RHOBTB1: variants seen among roughly 807,000 people sequenced by gnomAD.
RHOBTB1 encodes rho-related BTB domain-containing protein 1.
Under a neutral mutation model 71.6 loss-of-function variants are expected in RHOBTB1, and 40 were observed. The observed-to-expected ratio is 0.56, with a 90% CI of 0.43 to 0.73. The LOEUF (loss-of-function observed/expected upper bound fraction) is 0.73, where lower values mean the gene tolerates loss of function less well. Among genes scored for constraint, RHOBTB1 ranks in the 30% least tolerant of loss-of-function variants. The pLI, the probability that RHOBTB1 is intolerant of heterozygous loss-of-function variation, is 0.00. For missense variants in RHOBTB1, 797 were observed against 894.0 expected, an observed-to-expected ratio of 0.89 and a Z score of 1.38; for synonymous variants, 319 against 334.9, an observed-to-expected ratio of 0.95 and a Z score of 0.52.
At position 60,880,202 on chromosome 10, in the gene RHOBTB1, T is replaced by TGAGA. The variant is rs71018931; in HGVS notation, c.1576-2148_1576-2145dup. Among the ~76,000 whole-genome samples the TGAGA allele has an allele frequency of 4.3e-3, 547 of 126,978 alleles. 9 individuals are homozygous for TGAGA. The highest frequency in any genetic ancestry group is 0.011 in the East Asian group (48 of 4,394). The allele number at this position is 126,978 out of a possible 152,430, so 83.3% of individuals were successfully genotyped here. A position where few individuals can be genotyped will look rare whatever the true frequency, so the allele number is the denominator to read the frequency against. ...CTGTGTGTGTGTGTGTGTGTGTGTGTGAGAGAGAGAGAGAGAGAGAGAGAG... is the reference window on the plus strand; with the variant it reads ...CTGTGTGTGTGTGTGTGTGTGTGTGTGAGAGAGAGAGAGAGAGAGAGAGAGAGAG... On this transcript the variant is annotated intron_variant, in intron 7 of 10. Transcript: ENST00000337910.
chr10:60,880,926 C>T (rs1399772998), intron 7 of RHOBTB1, among the ~76,000 whole-genome samples: 2 of 152,188 alleles, frequency 1.3e-5, no homozygotes, highest in African/African-American at 4.8e-5. Context: ...TGTAACATTT[C>T]ATTTCTTTGA....
intron 1 of RHOBTB1, among the ~76,000 whole-genome samples, chr10:60,988,010 T>G (rs2086726991): frequency 7.3e-6 from 1 of 136,586 alleles, no homozygotes; most frequent in African/African-American, 2.7e-5. Flanking sequence ...CTCAGCTCAC[T>G]GCAAGCTGTG....
chr10:60,925,103 TC>T (rs1289221429), intron 2 of RHOBTB1, among the ~76,000 whole-genome samples: 3 of 152,146 alleles, frequency 2.0e-5, no homozygotes, highest in African/African-American at 4.8e-5. Context: ...ATGCTCTCTC[TC>T]CCTATTGCTC....
intron 1 of RHOBTB1, among the ~76,000 whole-genome samples, chr10:60,998,192 A>G (rs1019824519): frequency 7.2e-5 from 11 of 152,108 alleles, no homozygotes; most frequent in African/African-American, 2.7e-4. Context: ...ATTCAGGCTC[A>G]CCCTCTCTAA....
chr10:60,939,393 TA>T (rs140624870), intron 2 of RHOBTB1, among the ~76,000 whole-genome samples: 1 of 152,086 alleles, frequency 6.6e-6, no homozygotes, highest in African/African-American at 2.4e-5. Flanking sequence ...AAACTAAAAA[TA>T]AAAAAATTAT....
Position 60,888,737 on chromosome 10 carries a change from A to G in RHOBTB1, c.931T>C (p.Cys311Arg). ...EESPNGSEGA[C>R]EKEKQSRDFQ... ...TCTCTGCTCTGCTTCTCTTTCTCAC[A>G]GGCTCCTTCACTCCCATTTGGGGAT... The change falls in exon 6 of 11, where the codon TGT becomes CGT. Residue 311 changes from cysteine (C) to arginine (R), a missense_variant. By Grantham distance (180) the Cys-to-Arg change is radical. Coordinates refer to ENST00000337910, the MANE Select transcript of RHOBTB1 (RefSeq NM_014836.5). 2.5e-6 allele frequency: 4 copies of G among 1,614,200 alleles called. No homozygotes were observed. The highest frequency in any genetic ancestry group is 1.1e-5 in the South Asian group (1 of 91,090).
rs527871012 is a variant in RHOBTB1 at position 60,958,513 on chromosome 10, AT to A, written c.-61-16660del. 4.3e-3 allele frequency among the ~76,000 whole-genome samples: 648 copies of A among 152,060 alleles called. 1 individual carries two copies. The highest frequency in any genetic ancestry group is 7.1e-3 in the Non-Finnish European group (485 of 67,970). The stretch of plus-strand genomic sequence containing the variant: ...CTATATAGATATGGATTTCCAAAAC[AT>A]TTTTTTTCAGGAGAATCTCACAAAA... On this transcript the variant is annotated intron_variant, in intron 2 of 11. Coordinates refer to the RHOBTB1 transcript ENST00000357917.
chr10:60,893,072 C>T (rs187431259), intron 4 of RHOBTB1, 77 bp from the exon 5 acceptor site: 8 of 1,072,208 alleles, frequency 7.5e-6, no homozygotes, highest in Admixed American at 7.0e-5. Flanking sequence ...TCCTCTCAAA[C>T]CCCATCCTTC....
downstream of RHOBTB1, among the ~76,000 whole-genome samples, chr10:60,866,879 G>T (rs1015450639): frequency 1.3e-5 from 2 of 152,008 alleles, no homozygotes; most frequent in African/African-American, 4.8e-5. Context: ...TCAGCATTTG[G>T]TTGAAGAGAT....
intron 1 of RHOBTB1, among the ~76,000 whole-genome samples, chr10:60,991,984 C>T (rs1176711560): frequency 2.0e-5 from 3 of 152,118 alleles, no homozygotes; most frequent in Admixed American, 6.5e-5. Context: ...TGATGCAATT[C>T]GGTGTCTAAC....
chr10:60,871,872 C>A lies in RHOBTB1; in HGVS notation c.1922-221G>T, dbSNP rs189950438. ...ACAGAGAACCTGAACCCAGGACCAC[C>A]TGATTTCAGAGTCTAAGCCTGCTCC... On this transcript the variant is annotated intron_variant, in intron 10 of 10. Transcript: ENST00000337910. Among the ~76,000 whole-genome samples the A allele has an allele frequency of 3.3e-5, 5 of 152,280 alleles. No individual in the cohort carries two copies. In the East Asian group the frequency reaches 9.6e-4, roughly 29 times the overall value.
intron 7 of RHOBTB1, among the ~76,000 whole-genome samples, chr10:60,879,503 AT>A (rs1186940729): frequency 2.0e-5 from 3 of 150,758 alleles, no homozygotes; most frequent in East Asian, 2.0e-4. Flanking sequence ...CGGCTAATTT[AT>A]TTTATTAATT....
intron 1 of RHOBTB1, among the ~76,000 whole-genome samples, chr10:60,988,991 T>G (rs2086766241): frequency 6.6e-6 from 1 of 152,236 alleles, no homozygotes; most frequent in Non-Finnish European, 1.5e-5. Flanking sequence ...CTTGCTTTAT[T>G]CACATTTCTA....
chr10:60,954,760 G>C (rs2085527843), intron 2 of RHOBTB1, among the ~76,000 whole-genome samples: 1 of 152,082 alleles, frequency 6.6e-6, no homozygotes, highest in Non-Finnish European at 1.5e-5. Context: ...TAAATAAAAG[G>C]AGATAAGTTG....
chr10:60,981,616 C>A (rs1293352803), intron 2 of RHOBTB1, among the ~76,000 whole-genome samples: 1 of 152,078 alleles, frequency 6.6e-6, no homozygotes, highest in Non-Finnish European at 1.5e-5. Context: ...TATCACATAA[C>A]CAATTAATCA....
chr10:60,996,006 C>T (rs2087035283), intron 1 of RHOBTB1, among the ~76,000 whole-genome samples: 1 of 152,194 alleles, frequency 6.6e-6, no homozygotes, highest in South Asian at 2.1e-4. Context: ...TTTATTCTCA[C>T]AACAACCCCA....
chr10:60,895,840 T>G (rs1463133788), intron 4 of RHOBTB1, among the ~76,000 whole-genome samples: 2 of 152,258 alleles, frequency 1.3e-5, no homozygotes, highest in African/African-American at 4.8e-5. Flanking sequence ...CATATGAACG[T>G]AGCTCCCTAA....
rs537884318 is a variant in RHOBTB1 at position 60,932,193 on chromosome 10, A to T, written c.-11+9611T>A. 3.9e-5 allele frequency among the ~76,000 whole-genome samples: 6 copies of T among 152,328 alleles called. No homozygotes were observed. The East Asian group carries it at 1.2e-3, about 29-fold the overall frequency. ...AAATTTAACATTGTAATCTTTACTT[A>T]GGCAGACGTCTACACATTTTCAGTG... On this transcript the variant is annotated intron_variant, in intron 2 of 10. Transcript: ENST00000337910.
chr10:60,899,788 A>C (rs2082326681), intron 4 of RHOBTB1, among the ~76,000 whole-genome samples: 1 of 152,230 alleles, frequency 6.6e-6, no homozygotes, highest in East Asian at 1.9e-4. Context: ...CATTCTAGTG[A>C]AGACAGACAA....
Sources: allele counts gnomAD v4.1 joint callset (sites outside exome capture counted in the v4.1 genomes callset), GRCh38; gene constraint gnomAD v4.1.1; transcripts MANE v1.5; gene names NCBI Gene and HGNC (gene_info 2026-07-23, HGNC 2026-07-21).